Variants in PPFIA1 observed in about 807,000 individuals in gnomAD.
The protein encoded by PPFIA1 is liprin-alpha-1.
In PPFIA1, 25 loss-of-function variants were observed where a neutral mutation model predicts 149.9. The observed-to-expected ratio is 0.17, with a 90% CI of 0.12 to 0.23. PPFIA1 has a LOEUF of 0.23. PPFIA1 is among the 10% of genes least tolerant of loss of function. The probability of loss-of-function intolerance (pLI) is 1.00; values close to 1 mark genes in which losing one functional copy is unlikely to be tolerated. For synonymous variants in PPFIA1, 549 were observed against 552.8 expected (o/e 0.99, Z 0.10); for missense variants, 1,362 against 1,506.5 (o/e 0.90, Z 1.59).
At chr11:70,308,977 T>C (rs1364356329) in intron 2 of PPFIA1, among the ~76,000 whole-genome samples, 1 of 152,184 alleles carries the variant, frequency 6.6e-6, no homozygotes, top group Non-Finnish European at 1.5e-5. Context: ...TTCATTTCTG[T>C]TGGAATCAAG....
intron 1 of PPFIA1, 26 bp downstream of exon 1, chr11:70,270,940 G>C (rs2050031860): frequency 6.6e-6 from 1 of 151,630 alleles, no homozygotes; most frequent in Non-Finnish European, 1.5e-5. Context: ...ACTGAGGCAG[G>C]CTCGGGGCCC....
intron 10 of PPFIA1, among the ~76,000 whole-genome samples, chr11:70,334,186 A>G (rs766468405): frequency 5.3e-5 from 8 of 152,146 alleles, no homozygotes; most frequent in Non-Finnish European, 1.2e-4. Context: ...AAGATATAGC[A>G]AGAGCAGTCC....
chr11:70,347,196 G>A (rs2055755920), intron 15 of PPFIA1, among the ~76,000 whole-genome samples: 1 of 152,146 alleles, frequency 6.6e-6, no homozygotes, highest in South Asian at 2.1e-4. Flanking sequence ...GATTTCTTCA[G>A]CTTTGCTCTA....
chr11:70,334,710 G>A (rs1260208503), intron 10 of PPFIA1: 2 of 152,248 alleles, frequency 1.3e-5, no homozygotes. Context: ...GCAGAAATTG[G>A]GCGCACGGGG....
At chr11:70,286,405 C>G (rs916309001) in intron 2 of PPFIA1, among the ~76,000 whole-genome samples, 1 of 152,308 alleles carries the variant, frequency 6.6e-6, no homozygotes, top group East Asian at 1.9e-4. Context: ...GCACATGCCA[C>G]CGCGCCCTGC....
intron 2 of PPFIA1, among the ~76,000 whole-genome samples, chr11:70,310,626 C>T (rs750978183): frequency 1.3e-5 from 2 of 152,138 alleles, no homozygotes; most frequent in African/African-American, 2.4e-5. Context: ...CCCCGTGATC[C>T]GCCTGCCTCA....
Position 70,288,192 on chromosome 11 carries a change from C to T in PPFIA1, c.264+15756C>T, listed in dbSNP as rs182757383. Among the ~76,000 whole-genome samples the T allele has an allele frequency of 7.8e-4, 119 of 152,074 alleles. 1 individual carries two copies. In the East Asian group the frequency reaches 0.02, roughly 25 times the overall value. ...GGGTTCAAGCAGTTCTCTGCCTCAG[C>T]CTCCCAAGTAGCTAGGCTTACAGGT... On this transcript the variant is annotated intron_variant, in intron 2 of 27. Coordinates refer to ENST00000253925, the MANE Select transcript of PPFIA1 (RefSeq NM_003626.5).
intron 15 of PPFIA1, among the ~76,000 whole-genome samples, chr11:70,346,263 A>T (rs1361705267): frequency 1.3e-5 from 2 of 151,768 alleles, no homozygotes; most frequent in Non-Finnish European, 2.9e-5. Context: ...AATCCAAGGG[A>T]GGAGCAGGTG....
intron 24 of PPFIA1, 88 bp downstream of exon 24, chr11:70,375,181 TAA>T (rs372735947): frequency 1.1e-3 from 156 of 141,438 alleles, no homozygotes; most frequent in East Asian, 1.9e-3. Flanking sequence ...AAAGAAACTT[TAA>T]AAAAAAAAAA....
Position 70,337,439 on chromosome 11 carries a change from T to G in PPFIA1, c.1491+12T>G. ...CACAACACGATAAGGTACTGAAATC[T>G]TCTCTAAATCCATGAAGAGCCAAGT... On this transcript the variant is annotated intron_variant, in intron 12 of 27. Transcript: ENST00000253925. The G allele has an allele frequency of 6.4e-7, 1 of 1,572,028 alleles. No homozygotes were observed. The highest frequency in any genetic ancestry group is 8.7e-7 in the Non-Finnish European group (1 of 1,154,684).
At chr11:70,345,464 G>T (rs950804190) in intron 15 of PPFIA1, among the ~76,000 whole-genome samples, 3 of 152,110 alleles carry the variant, frequency 2.0e-5, no homozygotes, top group Admixed American at 2.0e-4. Flanking sequence ...GTGCCAACAA[G>T]ATTTGCTGAG....
In PPFIA1 at chr11:70,325,570, A is replaced by G; in HGVS notation, c.602A>G (p.Lys201Arg). ...LLEEELGATH[K>R]ELMILKEQNN... The stretch of plus-strand genomic sequence containing the variant: ...GAAGAGGAATTAGGTGCCACACACA[A>G]AGAGGTAAGCTTGAGACTTCATCAT... The change falls in exon 5 of 28, where the codon AAA becomes AGA. Residue 201 changes from lysine (K) to arginine (R), a missense_variant. By Grantham distance (26) the Lys-to-Arg change is conservative. This residue lies in a region of PPFIA1 where 79 missense variants were observed against 146.2 expected (regional missense o/e 0.54). Transcript: ENST00000253925. The G allele has an allele frequency of 6.4e-7, 1 of 1,560,854 alleles. No homozygotes were observed. The highest frequency in any genetic ancestry group is 1.4e-5 in the African/African-American group (1 of 73,626).
intron 7 of PPFIA1, 95 bp from the exon 8 acceptor site, chr11:70,330,078 T>A: frequency 8.5e-7 from 1 of 1,169,982 alleles, no homozygotes; most frequent in Non-Finnish European, 1.2e-6. Flanking sequence ...TGATTGGAAA[T>A]TTGGGATTTA....
At chr11:70,273,350 G>A (rs967925309) in intron 2 of PPFIA1, among the ~76,000 whole-genome samples, 1 of 152,184 alleles carries the variant, frequency 6.6e-6, no homozygotes, top group Non-Finnish European at 1.5e-5. Flanking sequence ...TTTGCTCATG[G>A]AGTTGAATGA....
At chr11:70,286,569 A>G (rs949053114) in intron 2 of PPFIA1, among the ~76,000 whole-genome samples, 9 of 151,776 alleles carry the variant, frequency 5.9e-5, no homozygotes, top group African/African-American at 1.9e-4. Context: ...TTTCTGCGCT[A>G]ACCTTATCCT....
intron 2 of PPFIA1, among the ~76,000 whole-genome samples, chr11:70,306,577 TG>T: frequency 6.6e-6 from 1 of 152,222 alleles, no homozygotes; most frequent in African/African-American, 2.4e-5. Context: ...TATAAATGCT[TG>T]GGCATGACAA....
At chr11:70,362,693 A>G (rs2056724612) in intron 21 of PPFIA1, 3 of 436,434 alleles carry the variant, frequency 6.9e-6, no homozygotes, top group Non-Finnish European at 1.2e-5. Flanking sequence ...GCTTTTATGA[A>G]AGATTGGCTA....
At chr11:70,310,889 G>T (rs900439172) in intron 2 of PPFIA1, among the ~76,000 whole-genome samples, 1 of 152,110 alleles carries the variant, frequency 6.6e-6, no homozygotes, top group East Asian at 1.9e-4. Flanking sequence ...CAAGGACCCA[G>T]TATCGGGAGA....
intron 2 of PPFIA1, among the ~76,000 whole-genome samples, chr11:70,293,662 A>C (rs539017065): frequency 2.3e-4 from 35 of 152,182 alleles, no homozygotes; most frequent in Non-Finnish European, 4.7e-4. Context: ...ACTTCTCCAC[A>C]TATATAAACT....
Sources: gnomAD v4.1 joint callset for allele counts (sites outside exome capture counted in the v4.1 genomes callset) on GRCh38, gnomAD v4.1.1 for gene constraint, gnomAD v4.1.1 regional missense constraint, MANE v1.5 for transcripts, NCBI Gene and HGNC (gene_info 2026-07-23, HGNC 2026-07-21) for gene names.